The following GHR variants were observed in gnomAD, a reference collection of about 807,000 sequenced individuals.
GHR encodes GH receptor.
In GHR, 35 loss-of-function variants were observed where a neutral mutation model predicts 67.1. The observed-to-expected ratio is 0.52, with a 90% confidence interval of 0.40 to 0.69. The LOEUF (loss-of-function observed/expected upper bound fraction) is 0.69, where lower values mean the gene tolerates loss of function less well. Ranked by LOEUF, GHR falls within the 30% of genes least tolerant of loss-of-function variation. GHR has a pLI of 0.00. For synonymous variants in GHR, 272 were observed against 269.1 expected (o/e 1.01, Z -0.10); for missense variants, 792 against 764.6 (o/e 1.04, Z -0.42).
intron 1 of GHR, among the ~76,000 whole-genome samples, chr5:42,523,704 C>T (rs1013710128): frequency 6.6e-6 from 1 of 152,094 alleles, no homozygotes; most frequent in African/African-American, 2.4e-5. Context: ...CTACAATGAC[C>T]TCTACGTGTC....
At chr5:42,622,747 A>C (rs62371993) in intron 2 of GHR, among the ~76,000 whole-genome samples, 3,783 of 152,300 alleles carry the variant, frequency 0.025, 80 homozygotes, top group Non-Finnish European at 0.041. Context: ...GATTCTTGCC[A>C]GAACATTGAT....
intron 1 of GHR, among the ~76,000 whole-genome samples, chr5:42,477,057 A>T (rs1439039569): frequency 9.4e-6 from 1 of 106,734 alleles, no homozygotes. Context: ...AACAGTCCCC[A>T]GTGTGTGATG....
intron 1 of GHR, among the ~76,000 whole-genome samples, chr5:42,532,912 T>C (rs1223892803): frequency 6.6e-6 from 1 of 152,142 alleles, no homozygotes; most frequent in Admixed American, 6.6e-5. Flanking sequence ...TTTTATACAT[T>C]TCCCTCAGGG....
chr5:42,468,052 T>C (rs2112082265), intron 1 of GHR: 1 of 872,484 alleles, frequency 1.1e-6, no homozygotes, highest in East Asian at 2.4e-5. Context: ...GGATTCTTCC[T>C]AATATGATGC....
chr5:42,600,486 G>GTCT (rs1428970959), intron 2 of GHR, among the ~76,000 whole-genome samples: 1 of 152,228 alleles, frequency 6.6e-6, no homozygotes, highest in Non-Finnish European at 1.5e-5. Flanking sequence ...AGTGGGAAGA[G>GTCT]TCTTGCTCTT....
intron 1 of GHR, among the ~76,000 whole-genome samples, chr5:42,481,712 G>T (rs192366087): frequency 6.6e-6 from 1 of 151,988 alleles, no homozygotes; most frequent in African/African-American, 2.4e-5. Flanking sequence ...CGTAATTCTC[G>T]TGCCTTGGTT....
intron 1 of GHR, among the ~76,000 whole-genome samples, chr5:42,498,439 A>C (rs887276451): frequency 1.3e-5 from 2 of 152,144 alleles, no homozygotes; most frequent in Non-Finnish European, 2.9e-5. Flanking sequence ...ATCTCATTTA[A>C]CTCCCCATAA....
intron 1 of GHR, among the ~76,000 whole-genome samples, chr5:42,561,299 G>A (rs377194572): frequency 3.1e-4 from 47 of 152,074 alleles, no homozygotes; most frequent in African/African-American, 1.1e-3. Flanking sequence ...TCATGTGTTT[G>A]TACTGCCTTA....
At chr5:42,614,248 G>C (rs1580057766) in intron 2 of GHR, among the ~76,000 whole-genome samples, 1 of 152,074 alleles carries the variant, frequency 6.6e-6, no homozygotes, top group Admixed American at 6.6e-5. Flanking sequence ...TTAGAGAACA[G>C]AAAGAAGCCT....
intron 1 of GHR, among the ~76,000 whole-genome samples, chr5:42,561,676 G>A (rs1749616976): frequency 6.6e-6 from 1 of 152,200 alleles, no homozygotes; most frequent in South Asian, 2.1e-4. Flanking sequence ...CAGACAAAAT[G>A]CCTCAGGCTT....
At chr5:42,711,139 C>T (rs1758435063) in intron 6 of GHR, 68 bp from the exon 7 acceptor site, 2 of 1,096,820 alleles carry the variant, frequency 1.8e-6, no homozygotes, top group Admixed American at 3.4e-5. Context: ...TGGGAGAATA[C>T]CTGTAGTGTT....
At chr5:42,523,203 A>T (rs1206709386) in intron 1 of GHR, among the ~76,000 whole-genome samples, 2 of 152,196 alleles carry the variant, frequency 1.3e-5, no homozygotes, top group Non-Finnish European at 2.9e-5. Context: ...AGATGGTTCA[A>T]CTCTGGAATT....
intron 3 of GHR, among the ~76,000 whole-genome samples, chr5:42,639,068 TACTC>T (rs1388312650): frequency 2.0e-5 from 3 of 152,170 alleles, no homozygotes; most frequent in Admixed American, 6.5e-5. Context: ...TTATTAAAGA[TACTC>T]CATCCAATGA....
chr5:42,502,893 A>G (rs559509204), intron 1 of GHR, among the ~76,000 whole-genome samples: 1 of 151,264 alleles, frequency 6.6e-6, no homozygotes, highest in East Asian at 1.9e-4. Flanking sequence ...TGTTTTCTCC[A>G]TGTGGCTAGC....
chr5:42,671,522 G>T (rs865814088), intron 3 of GHR, among the ~76,000 whole-genome samples: 1 of 151,098 alleles, frequency 6.6e-6, no homozygotes, highest in Non-Finnish European at 1.5e-5. Flanking sequence ...TTCAAGGTTG[G>T]TTCAACATAC....
rs1379344230 is a variant in GHR at position 42,719,725 on chromosome 5, CTA to C, written c.*303_*304del. The C allele has an allele frequency of 5.2e-6, 2 of 387,102 alleles. No homozygotes were observed. Among genetic ancestry groups the C allele is most frequent in the African/African-American group, 4.1e-5 (2 of 48,510 alleles). 24.0% of individuals were successfully genotyped at this position (387,102 alleles called of 1,614,324 possible). ...ATTTTTGATACTAAGCATTGAATGG[CTA>C]TGTTTTTAATGTATAGTAAATCACG... is the stretch of plus-strand genomic sequence containing the variant. On this transcript the variant is annotated 3_prime_UTR_variant, in exon 10 of 10. Coordinates refer to ENST00000230882, the MANE Select transcript of GHR (RefSeq NM_000163.5).
At position 42,482,820 on chromosome 5, in the gene GHR, T is replaced by G. The variant is rs571561315; in HGVS notation, c.-12+58865T>G. Among the ~76,000 whole-genome samples the G allele has an allele frequency of 3.5e-3, 536 of 152,328 alleles. 2 individuals are homozygous for G. Among genetic ancestry groups the G allele is most frequent in the African/African-American group, 0.013 (525 of 41,592 alleles). ...CTAGGAAAGGGAATTCCCTGACCTC[T>G]TGCGCTTCCCAGGTGAGGCGATGCC... is the stretch of plus-strand genomic sequence containing the variant. On this transcript the variant is annotated intron_variant, in intron 1 of 9. Coordinates refer to ENST00000230882, the MANE Select transcript of GHR (RefSeq NM_000163.5).
chr5:42,426,334 T>C (rs1463343075), intron 1 of GHR, among the ~76,000 whole-genome samples: 1 of 152,198 alleles, frequency 6.6e-6, no homozygotes, highest in African/African-American at 2.4e-5. Flanking sequence ...GTGAGCAATG[T>C]TAATGTAAAG....
At chr5:42,659,913 C>T (rs896328816) in intron 3 of GHR, among the ~76,000 whole-genome samples, 10 of 151,748 alleles carry the variant, frequency 6.6e-5, no homozygotes, top group Admixed American at 2.0e-4. Flanking sequence ...CCTAATACTG[C>T]GCTTTTCTGA....
Sources: gnomAD v4.1 joint callset for allele counts (sites outside exome capture counted in the v4.1 genomes callset) on GRCh38, gnomAD v4.1.1 for gene constraint, MANE v1.5 for transcripts, NCBI Gene and HGNC (gene_info 2026-07-23, HGNC 2026-07-21) for gene names.